Variants in AUTS2 observed in about 807,000 individuals in gnomAD.
AUTS2 encodes autism susceptibility gene 2 protein.
In AUTS2, 17 loss-of-function variants were observed where a neutral mutation model predicts 112.4. The ratio of observed to expected loss-of-function variants is 0.15; its 90% CI spans 0.10 to 0.23. The LOEUF is 0.23. Ranked by LOEUF, AUTS2 falls within the 10% of genes least tolerant of loss-of-function variation. The pLI is 1.00. For synonymous variants in AUTS2, 751 were observed against 702.7 expected (o/e 1.07, Z -1.09); for missense variants, 1,510 against 1,701.6 (o/e 0.89, Z 1.98).
chr7:70,110,621 T>C (rs185527107), intron 2 of AUTS2, among the ~76,000 whole-genome samples: 29 of 152,332 alleles, frequency 1.9e-4, no homozygotes, highest in Admixed American at 3.9e-4. Flanking sequence ...GTTTGGCAGC[T>C]GGAAGCACTT....
At chr7:70,786,103 T>C in intron 17 of AUTS2, 65 bp downstream of exon 17, 1 of 1,379,060 alleles carries the variant, frequency 7.3e-7, no homozygotes. Context: ...CGCATATGGC[T>C]CAAGACCTTT....
intron 1 of AUTS2, among the ~76,000 whole-genome samples, chr7:69,626,641 A>G (rs1336744498): frequency 1.3e-5 from 2 of 152,222 alleles, no homozygotes. Context: ...TGCTCAAAGT[A>G]TCAAGTGAAC....
At chr7:70,307,051 A>G (rs1215958588) in intron 4 of AUTS2, among the ~76,000 whole-genome samples, 3 of 152,204 alleles carry the variant, frequency 2.0e-5, no homozygotes, top group Non-Finnish European at 2.9e-5. Flanking sequence ...GCCTCATTGT[A>G]TAATCAAGTA....
At chr7:70,070,892 AAGAAAGGG>A (rs955942405) in intron 2 of AUTS2, among the ~76,000 whole-genome samples, 8 of 151,770 alleles carry the variant, frequency 5.3e-5, no homozygotes, top group African/African-American at 1.9e-4. Flanking sequence ...AAAAAAAAAA[AAGAAAGGG>A]AGAGAGGGAG....
At position 70,497,274 on chromosome 7, in the gene AUTS2, C is replaced by A. The variant is rs902791071; in HGVS notation, c.690+61493C>A. Among the ~76,000 whole-genome samples, 895 of 122,904 alleles carry A rather than the reference C, an allele frequency of 7.3e-3. 3 individuals are homozygous for A. Among genetic ancestry groups the A allele is most frequent in the Middle Eastern group, 0.011 (2 of 184 alleles). The allele number at this position is 122,904 out of a possible 152,430, so 80.6% of individuals were successfully genotyped here. On this transcript the variant is annotated intron_variant, in intron 5 of 18. Coordinates refer to ENST00000342771, the MANE Select transcript of AUTS2 (RefSeq NM_015570.4). ...CGTACACAGTCACACACACACACAC[C>A]CCCCACACACATGCACACGTCACAT...
At chr7:70,135,767 T>C (rs1433804130) in intron 4 of AUTS2, among the ~76,000 whole-genome samples, 3 of 152,152 alleles carry the variant, frequency 2.0e-5, no homozygotes, top group Non-Finnish European at 2.9e-5. Context: ...TGAATATTCA[T>C]GCTAACAGAA....
intron 2 of AUTS2, among the ~76,000 whole-genome samples, chr7:69,998,101 C>A (rs755311421): frequency 3.3e-5 from 5 of 152,116 alleles, no homozygotes; most frequent in Non-Finnish European, 7.4e-5. Context: ...CTTCCCAACT[C>A]TTTTTTCAAG....
intron 5 of AUTS2, among the ~76,000 whole-genome samples, chr7:70,575,652 G>A (rs1012397923): frequency 1.3e-5 from 2 of 152,044 alleles, no homozygotes; most frequent in Non-Finnish European, 2.9e-5. Context: ...TCTTCTCTTC[G>A]TTTGCTGGGA....
At chr7:70,750,565 T>C (rs536609928) in intron 6 of AUTS2, among the ~76,000 whole-genome samples, 1 of 151,898 alleles carries the variant, frequency 6.6e-6, no homozygotes, top group Admixed American at 6.6e-5. Context: ...CATGCCCGGA[T>C]AACTTTTGTA....
intron 5 of AUTS2, among the ~76,000 whole-genome samples, chr7:70,475,761 A>G (rs1797558595): frequency 1.3e-5 from 2 of 152,312 alleles, no homozygotes; most frequent in Non-Finnish European, 1.5e-5. Flanking sequence ...AATAGCGGCC[A>G]GGGACCATGG....
intron 2 of AUTS2, among the ~76,000 whole-genome samples, chr7:70,069,670 T>G (rs1395443359): frequency 6.6e-6 from 1 of 151,730 alleles, no homozygotes; most frequent in Non-Finnish European, 1.5e-5. Flanking sequence ...TCTTAGAGAA[T>G]TCTCTGTCAA....
chr7:69,993,669 G>A (rs1584541709), intron 2 of AUTS2, among the ~76,000 whole-genome samples: 1 of 152,168 alleles, frequency 6.6e-6, no homozygotes, highest in African/African-American at 2.4e-5. Context: ...GTGATGTACA[G>A]TCTACAGTGA....
At chr7:69,899,034 T>C (rs942777351) in intron 1 of AUTS2, among the ~76,000 whole-genome samples, 1 of 152,180 alleles carries the variant, frequency 6.6e-6, no homozygotes, top group Admixed American at 6.5e-5. Flanking sequence ...AAATCACTTT[T>C]GATGCATATA....
chr7:69,602,344 T>G, intron 1 of AUTS2, among the ~76,000 whole-genome samples: 1 of 152,154 alleles, frequency 6.6e-6, no homozygotes, highest in East Asian at 1.9e-4. Flanking sequence ...ATATTTTGGT[T>G]AGCTGAATAC....
intron 3 of AUTS2, among the ~76,000 whole-genome samples, chr7:70,126,490 G>A (rs956924820): frequency 2.6e-5 from 4 of 152,068 alleles, no homozygotes; most frequent in African/African-American, 9.7e-5. Flanking sequence ...GGGAATAATT[G>A]GCCACAAGGA....
chr7:70,419,003 G>A (rs1377294023), intron 4 of AUTS2, among the ~76,000 whole-genome samples: 1 of 152,026 alleles, frequency 6.6e-6, no homozygotes, highest in Non-Finnish European at 1.5e-5. Flanking sequence ...TTGAGAGGTA[G>A]TTACTATCAC....
chr7:70,543,330 C>A (rs540061836), intron 5 of AUTS2, among the ~76,000 whole-genome samples: 1 of 151,894 alleles, frequency 6.6e-6, no homozygotes, highest in Non-Finnish European at 1.5e-5. Flanking sequence ...GGTGAAACCT[C>A]GTCTCTACTA....
chr7:70,314,525 C>G (rs760361341), intron 4 of AUTS2, among the ~76,000 whole-genome samples: 1 of 152,206 alleles, frequency 6.6e-6, no homozygotes, highest in African/African-American at 2.4e-5. Flanking sequence ...GCATCTGATA[C>G]AAATTTCTAC....
rs538565721 is a variant in AUTS2 at position 69,864,590 on chromosome 7, A to G, written c.310-34696A>G. On this transcript the variant is annotated intron_variant, in intron 1 of 18. Coordinates refer to ENST00000342771, the MANE Select transcript of AUTS2 (RefSeq NM_015570.4). ...TAAAAGGGGCCACAGCAGCAGGAGC[A>G]TTGTTTACTGGTTGGCATACTAAGT... 3.2e-4 allele frequency among the ~76,000 whole-genome samples: 49 copies of G among 152,328 alleles called. No homozygotes were observed. In the South Asian group the frequency reaches 9.9e-3, roughly 31 times the overall value.
Sources: gnomAD v4.1 joint callset for allele counts (sites outside exome capture counted in the v4.1 genomes callset) on GRCh38, gnomAD v4.1.1 for gene constraint, MANE v1.5 for transcripts, NCBI Gene and HGNC (gene_info 2026-07-23, HGNC 2026-07-21) for gene names.